HS6ST3: variants seen among roughly 807,000 people sequenced by gnomAD.
HS6ST3 encodes heparan sulfate 6-O-sulfotransferase 3, also known as heparan-sulfate 6-O-sulfotransferase 3.
HS6ST3 carries 12 observed loss-of-function variants against 36.7 expected under a neutral mutation model. That is an observed-to-expected ratio of 0.33 (90% confidence interval 0.21 to 0.53). HS6ST3 has a LOEUF of 0.53. Ranked by LOEUF, HS6ST3 falls within the 20% of genes least tolerant of loss-of-function variation. HS6ST3 has a pLI of 0.95. For missense variants in HS6ST3, 584 were observed against 640.9 expected (o/e 0.91, Z 0.96); for synonymous variants, 240 against 257.5 (o/e 0.93, Z 0.65).
chr13:96,334,168 G>A (rs547363546), intron 1 of HS6ST3, among the ~76,000 whole-genome samples: 2 of 152,334 alleles, frequency 1.3e-5, no homozygotes, highest in East Asian at 3.9e-4. Flanking sequence ...AAAAATTATA[G>A]TAGTGATAGA....
chr13:96,367,556 A>G (rs2055269063), intron 1 of HS6ST3, among the ~76,000 whole-genome samples: 1 of 152,142 alleles, frequency 6.6e-6, no homozygotes, highest in Non-Finnish European at 1.5e-5. Flanking sequence ...CCTGCTTCTC[A>G]GTTTTTATTG....
At chr13:96,343,767 G>C (rs2055141086) in intron 1 of HS6ST3, among the ~76,000 whole-genome samples, 1 of 151,934 alleles carries the variant, frequency 6.6e-6, no homozygotes, top group Non-Finnish European at 1.5e-5. Flanking sequence ...TTTTGAGATG[G>C]AGTCTCACAC....
chr13:96,656,925 A>G (rs937400200), intron 1 of HS6ST3, among the ~76,000 whole-genome samples: 1 of 146,290 alleles, frequency 6.8e-6, no homozygotes, highest in Non-Finnish European at 1.5e-5. Flanking sequence ...TGAATGTGTT[A>G]TGGCCAGATG....
At position 96,180,887 on chromosome 13, in the gene HS6ST3, C is replaced by G. The variant is rs186223414; in HGVS notation, c.707+89318C>G. Reference sequence around the variant, plus strand: ...TTCCTTCCTCCCCTCTTTCCTTCTCCTTTTTTTCTTTATTAATGTGGATAA... The same window carrying G: ...TTCCTTCCTCCCCTCTTTCCTTCTCGTTTTTTTCTTTATTAATGTGGATAA... On this transcript the variant is annotated intron_variant, in intron 1 of 1. Transcript: ENST00000376705. Among the ~76,000 whole-genome samples, 57 of 152,246 alleles carry G rather than the reference C, an allele frequency of 3.7e-4. No homozygotes were observed. The Middle Eastern group carries it at 0.01, about 27-fold the overall frequency.
intron 1 of HS6ST3, among the ~76,000 whole-genome samples, chr13:96,618,390 C>T (rs2138993013): frequency 6.6e-6 from 1 of 152,278 alleles, no homozygotes; most frequent in Admixed American, 6.5e-5. Context: ...CATGAACCAT[C>T]ATGCCCTGGC....
intron 1 of HS6ST3, among the ~76,000 whole-genome samples, chr13:96,457,865 C>A (rs2055761812): frequency 6.6e-6 from 1 of 151,922 alleles, no homozygotes; most frequent in African/African-American, 2.4e-5. Context: ...TTTCCTTTTT[C>A]TTCTTTTTTT....
intron 1 of HS6ST3, among the ~76,000 whole-genome samples, chr13:96,565,266 A>G (rs2056276864): frequency 6.6e-6 from 1 of 152,106 alleles, no homozygotes; most frequent in Non-Finnish European, 1.5e-5. Flanking sequence ...TTAATTTAGC[A>G]GAGAAGTGCA....
intron 1 of HS6ST3, among the ~76,000 whole-genome samples, chr13:96,244,827 C>G (rs2139374381): frequency 6.6e-6 from 1 of 152,234 alleles, no homozygotes; most frequent in South Asian, 2.1e-4. Context: ...GTATTCTGTT[C>G]ATAGATAATG....
intron 1 of HS6ST3, among the ~76,000 whole-genome samples, chr13:96,448,734 T>G (rs943772613): frequency 6.6e-6 from 1 of 152,062 alleles, no homozygotes; most frequent in African/African-American, 2.4e-5. Flanking sequence ...TCCTACCTAA[T>G]GTCTCTCTAA....
intron 1 of HS6ST3, among the ~76,000 whole-genome samples, chr13:96,097,748 G>A (rs756623585): frequency 6.6e-6 from 1 of 152,118 alleles, no homozygotes; most frequent in Non-Finnish European, 1.5e-5. Flanking sequence ...TTTTTAACTT[G>A]GACAGTGTTA....
chr13:96,135,159 C>T (rs2139313866), intron 1 of HS6ST3, among the ~76,000 whole-genome samples: 1 of 152,262 alleles, frequency 6.6e-6, no homozygotes, highest in East Asian at 1.9e-4. Flanking sequence ...CCTCACCCTG[C>T]CTTGCATGTT....
intron 1 of HS6ST3, among the ~76,000 whole-genome samples, chr13:96,606,889 A>C (rs2056441102): frequency 6.6e-6 from 1 of 152,224 alleles, no homozygotes; most frequent in African/African-American, 2.4e-5. Context: ...AGAACATGAA[A>C]TAAGAGGAAA....
At chr13:96,744,064 A>T (rs543082433) in intron 1 of HS6ST3, among the ~76,000 whole-genome samples, 1 of 152,062 alleles carries the variant, frequency 6.6e-6, no homozygotes, top group African/African-American at 2.4e-5. Context: ...TATAAGTCAC[A>T]TCTCATCTAG....
At chr13:96,132,703 C>A (rs1566889785) in intron 1 of HS6ST3, among the ~76,000 whole-genome samples, 1 of 152,164 alleles carries the variant, frequency 6.6e-6, no homozygotes, top group Admixed American at 6.5e-5. Context: ...ACTGCACCCC[C>A]CAGCTAATGG....
intron 1 of HS6ST3, among the ~76,000 whole-genome samples, chr13:96,560,147 C>CT (rs764686877): frequency 9.2e-5 from 14 of 152,112 alleles, no homozygotes; most frequent in Non-Finnish European, 2.1e-4. Context: ...GTAGAAAGTG[C>CT]TAGTGTGGGG....
chr13:96,468,177 A>G (rs1235785818), intron 1 of HS6ST3, among the ~76,000 whole-genome samples: 1 of 152,230 alleles, frequency 6.6e-6, no homozygotes, highest in African/African-American at 2.4e-5. Flanking sequence ...AAATTGCTGT[A>G]CATGTTCCCA....
chr13:96,616,780 G>C (rs2056475723), intron 1 of HS6ST3, among the ~76,000 whole-genome samples: 1 of 152,130 alleles, frequency 6.6e-6, no homozygotes, highest in South Asian at 2.1e-4. Flanking sequence ...AGTAGACAAA[G>C]TTGGCTAATT....
At chr13:96,773,463 C>T (rs1011739759) in intron 1 of HS6ST3, among the ~76,000 whole-genome samples, 1 of 152,150 alleles carries the variant, frequency 6.6e-6, no homozygotes, top group African/African-American at 2.4e-5. Flanking sequence ...ATTCTGAAGT[C>T]GACCTGGGAC....
chr13:96,475,073 CTT>C (rs111456614), intron 1 of HS6ST3, among the ~76,000 whole-genome samples: 1 of 145,944 alleles, frequency 6.9e-6, no homozygotes. Context: ...AGTGAGGCTA[CTT>C]TTTTTTTTTG....
Sources: allele counts gnomAD v4.1 joint callset (sites outside exome capture counted in the v4.1 genomes callset), GRCh38; gene constraint gnomAD v4.1.1; transcripts MANE v1.5; gene names NCBI Gene and HGNC (gene_info 2026-07-23, HGNC 2026-07-21).